ZFYVE28: variants seen among roughly 807,000 people sequenced by gnomAD.
ZFYVE28 encodes the protein zinc finger FYVE-type containing 28.
ZFYVE28 carries 40 observed loss-of-function variants against 82.1 expected under a neutral mutation model. That is an observed-to-expected ratio of 0.49 (90% CI 0.38 to 0.63). ZFYVE28 has a LOEUF of 0.63. Among genes scored for constraint, ZFYVE28 ranks in the 30% least tolerant of loss-of-function variants. ZFYVE28 has a pLI of 0.00. For synonymous variants in ZFYVE28, 612 were observed against 546.1 expected, an observed-to-expected ratio of 1.12 and a Z score of -1.68; for missense variants, 1,321 against 1,242.1, an observed-to-expected ratio of 1.06 and a Z score of -0.96.
At chr4:2,325,716 C>T (rs3135118) in intron 6 of ZFYVE28, among the ~76,000 whole-genome samples, 39,201 of 150,850 alleles carry the variant, frequency 0.26, 6,117 homozygotes, top group Middle Eastern at 0.4. Flanking sequence ...ATCCTCTCGT[C>T]TTAGCCTCCG....
At chr4:2,340,643 G>A (rs980617495) in intron 3 of ZFYVE28, among the ~76,000 whole-genome samples, 2 of 152,160 alleles carry the variant, frequency 1.3e-5, no homozygotes, top group South Asian at 2.1e-4. Context: ...CAGGCCAGCC[G>A]GGCACAGAAC....
Position 2,312,511 on chromosome 4 carries a change from G to A in ZFYVE28, c.804-6975C>T, listed in dbSNP as rs144567534. ...TGGGAGGCCGAGGCAGGTGGATCAC[G>A]AGGTCAGGAGATTGAGACCATCCCG... On this transcript the variant is annotated intron_variant, in intron 7 of 12. Coordinates refer to ENST00000290974, the MANE Select transcript of ZFYVE28 (RefSeq NM_020972.3). 2.1e-3 allele frequency among the ~76,000 whole-genome samples: 325 copies of A among 151,236 alleles called. 1 individual carries two copies. Among genetic ancestry groups the A allele is most frequent in the South Asian group, 0.015 (70 of 4,782 alleles).
In ZFYVE28 at chr4:2,341,717, GATT is replaced by G. The variant is rs1352859362; in HGVS notation, c.181-105_181-103del. ...CACGGTGCATGTGACTGTTTTTTAGGATTATTAAAGTGATAGAGGAGGCTAGGC... is the reference window on the plus strand; with the variant it reads ...CACGGTGCATGTGACTGTTTTTTAGGATTAAAGTGATAGAGGAGGCTAGGC... On this transcript the variant is annotated intron_variant, in intron 2 of 12. Transcript: ENST00000290974. This position sits in a 1 kb window ranked among gnomAD's most constrained non-coding sequence, Gnocchi z 4.5. The G allele has an allele frequency of 2.7e-6, 4 of 1,493,092 alleles. No individual in the cohort carries two copies. The African/African-American group carries it at 4.2e-5, about 16-fold the overall frequency. The allele number at this position is 1,493,092 out of a possible 1,614,324, so 92.5% of individuals were successfully genotyped here.
At position 2,271,432 on chromosome 4, in the gene ZFYVE28, G is replaced by A; in HGVS notation, c.2429-18C>T. ...CGGGGGGTCTGTCACAACAACAGCA[G>A]CGTCACATCAGCGACGGCAGGAGCA... On this transcript the variant is annotated intron_variant, in intron 11 of 12. Coordinates refer to ENST00000290974, the MANE Select transcript of ZFYVE28 (RefSeq NM_020972.3). 1 of 1,610,624 alleles carries A rather than the reference G, an allele frequency of 6.2e-7. No individual in the cohort carries two copies. The highest frequency in any genetic ancestry group is 1.1e-5 in the South Asian group (1 of 90,874).
intron 1 of ZFYVE28, among the ~76,000 whole-genome samples, chr4:2,382,960 T>C (rs1490460380): frequency 1.3e-5 from 2 of 152,176 alleles, no homozygotes; most frequent in East Asian, 3.9e-4. Flanking sequence ...CTGAGACTTA[T>C]TCACTATCAC....
Position 2,400,782 on chromosome 4 carries a change from G to A in ZFYVE28, c.39+17503C>T, listed in dbSNP as rs1989417. Among the ~76,000 whole-genome samples, 294 of 152,228 alleles carry A rather than the reference G, an allele frequency of 1.9e-3. 2 individuals carry two copies. Among genetic ancestry groups the A allele is most frequent in the Middle Eastern group, 0.014 (4 of 294 alleles). Reference sequence around the variant, plus strand: ...CTTCTGCCTGCTTTACATTCCAGCCGTGCTGGCAGCTGATTAGTTTATGCC... The same window carrying A: ...CTTCTGCCTGCTTTACATTCCAGCCATGCTGGCAGCTGATTAGTTTATGCC... On this transcript the variant is annotated intron_variant, in intron 1 of 12. Transcript: ENST00000290974.
rs950569014 is a variant in ZFYVE28, at chr4:2,409,734, G to A, written c.39+8551C>T. ...CCCTGCGGGCAGCTCTGTGGGAGGA[G>A]GTCGGTTTGAGAAATTTGTCAGAAC... On this transcript the variant is annotated intron_variant, in intron 1 of 12. Coordinates refer to ENST00000290974, the MANE Select transcript of ZFYVE28 (RefSeq NM_020972.3). This position sits in a 1 kb window ranked among gnomAD's most constrained non-coding sequence, Gnocchi z 4.4. Among the ~76,000 whole-genome samples, 7 of 152,242 alleles carry A rather than the reference G, an allele frequency of 4.6e-5. No individual in the cohort carries two copies. The highest frequency in any genetic ancestry group is 1.4e-4 in the African/African-American group (6 of 41,458).
At chr4:2,326,989 C>T (rs765752112) in intron 6 of ZFYVE28, among the ~76,000 whole-genome samples, 30 of 151,968 alleles carry the variant, frequency 2.0e-4, no homozygotes, top group Middle Eastern at 6.8e-3. Flanking sequence ...CAGTGACTCA[C>T]GCCTATAATC....
intron 1 of ZFYVE28, among the ~76,000 whole-genome samples, chr4:2,361,169 G>T (rs1024247478): frequency 6.6e-6 from 1 of 152,058 alleles, no homozygotes; most frequent in African/African-American, 2.4e-5. Context: ...CTGTTAAAAG[G>T]AGTCAAACCC....
Position 2,362,603 on chromosome 4 carries a change from G to A in ZFYVE28, c.40-8530C>T, listed in dbSNP as rs367614197. Among the ~76,000 whole-genome samples, 5 of 152,078 alleles carry A rather than the reference G, an allele frequency of 3.3e-5. No homozygotes were observed. The East Asian group carries it at 9.7e-4, about 30-fold the overall frequency. ...CCCAAGGCAGGCCTCATCCACAGCAGACACCCCAGGGGCTGCCAGGCTGGG... is the reference window on the plus strand; with the variant it reads ...CCCAAGGCAGGCCTCATCCACAGCAAACACCCCAGGGGCTGCCAGGCTGGG... On this transcript the variant is annotated intron_variant, in intron 1 of 12. Transcript: ENST00000290974. The surrounding 1 kb of genome is among the most constrained non-coding windows in gnomAD (Gnocchi z 5.1).
At chr4:2,404,006 A>G (rs1172604072) in intron 1 of ZFYVE28, among the ~76,000 whole-genome samples, 1 of 149,268 alleles carries the variant, frequency 6.7e-6, no homozygotes, top group Non-Finnish European at 1.5e-5. Flanking sequence ...CACAATGGGG[A>G]AAGCAGTTGG....
intron 1 of ZFYVE28, among the ~76,000 whole-genome samples, chr4:2,402,976 A>G (rs550441803): frequency 1.3e-5 from 2 of 152,208 alleles, no homozygotes; most frequent in African/African-American, 4.8e-5. Context: ...CAGAAACAGG[A>G]TCCCCATTTG....
intron 1 of ZFYVE28, among the ~76,000 whole-genome samples, chr4:2,379,202 C>T (rs544414716): frequency 3.2e-4 from 49 of 152,254 alleles, no homozygotes; most frequent in Non-Finnish European, 6.2e-4. Context: ...TTGGGGGGAC[C>T]GCTCCAGGGA....
At chr4:2,403,879 G>C (rs1027827503) in intron 1 of ZFYVE28, among the ~76,000 whole-genome samples, 1 of 151,448 alleles carries the variant, frequency 6.6e-6, no homozygotes, top group Admixed American at 6.6e-5. Context: ...TAAGGCAGGA[G>C]AATAGCTTGA....
chr4:2,393,951 G>C (rs1435733598), intron 1 of ZFYVE28, among the ~76,000 whole-genome samples: 3 of 152,214 alleles, frequency 2.0e-5, no homozygotes, highest in African/African-American at 2.4e-5. Flanking sequence ...GGTCTCTCTG[G>C]ACTAGAAGCA....
At chr4:2,292,362 G>A (rs1464556804) in intron 8 of ZFYVE28, among the ~76,000 whole-genome samples, 1 of 152,180 alleles carries the variant, frequency 6.6e-6, no homozygotes, top group East Asian at 1.9e-4. Context: ...AGGGAGGGAG[G>A]CCACAGCATA....
chr4:2,364,538 A>G, intron 1 of ZFYVE28: 1 of 985,508 alleles, frequency 1.0e-6, no homozygotes. Flanking sequence ...CAGACGCAAC[A>G]GGAGCCACGT....
intron 8 of ZFYVE28, among the ~76,000 whole-genome samples, chr4:2,299,224 G>A (rs1715111221): frequency 6.6e-6 from 1 of 152,132 alleles, no homozygotes; most frequent in South Asian, 2.1e-4. Context: ...AACGAAAAAC[G>A]CAGGCGCTAA....
At chr4:2,289,021 T>C (rs998373075) in intron 8 of ZFYVE28, among the ~76,000 whole-genome samples, 1 of 150,818 alleles carries the variant, frequency 6.6e-6, no homozygotes, top group South Asian at 2.1e-4. Flanking sequence ...TGGTGGCTCA[T>C]GCCTGTAATC....
Sources: gnomAD v4.1 joint callset for allele counts (sites outside exome capture counted in the v4.1 genomes callset) on GRCh38, gnomAD v4.1.1 for gene constraint, Gnocchi (gnomAD v3.1) non-coding constraint, MANE v1.5 for transcripts, NCBI Gene and HGNC (gene_info 2026-07-23, HGNC 2026-07-21) for gene names.